RBFOX1: variants seen among roughly 807,000 people sequenced by gnomAD.
RBFOX1 encodes the protein RNA binding protein fox-1 homolog 1.
RBFOX1 carries 8 observed loss-of-function variants against 57.7 expected under a neutral mutation model. The ratio of observed to expected loss-of-function variants is 0.14; its 90% CI spans 0.08 to 0.25. RBFOX1 has a LOEUF of 0.25. Among genes scored for constraint, RBFOX1 ranks in the 10% least tolerant of loss-of-function variants. RBFOX1 has a pLI of 1.00. For missense variants in RBFOX1, 611 were observed against 548.5 expected (o/e 1.11, Z -1.14); for synonymous variants, 326 against 222.4 (o/e 1.47, Z -4.15).
intron 4 of RBFOX1, among the ~76,000 whole-genome samples, chr16:7,235,785 T>C (rs2093735913): frequency 6.6e-6 from 1 of 152,184 alleles, no homozygotes. Context: ...CTAAGTAATA[T>C]CCTGTGCTAG....
chr16:5,881,391 A>G (rs1309828114), intron 4 of RBFOX1, among the ~76,000 whole-genome samples: 1 of 152,128 alleles, frequency 6.6e-6, no homozygotes, highest in Non-Finnish European at 1.5e-5. Context: ...ATTTAAGAGT[A>G]TTAGGGGTCT....
intron 3 of RBFOX1, among the ~76,000 whole-genome samples, chr16:6,678,394 G>T (rs566849724): frequency 6.6e-6 from 1 of 151,908 alleles, no homozygotes; most frequent in African/African-American, 2.4e-5. Context: ...AAAGTGCTGG[G>T]ATTACAGGCA....
chr16:5,325,719 T>C (rs2064551508), intron 1 of RBFOX1, among the ~76,000 whole-genome samples: 1 of 152,208 alleles, frequency 6.6e-6, no homozygotes, highest in Non-Finnish European at 1.5e-5. Flanking sequence ...TTTCCTTTAG[T>C]GTAATGTCTT....
chr16:6,128,370 G>A (rs1007464060), intron 1 of RBFOX1, among the ~76,000 whole-genome samples: 5 of 152,274 alleles, frequency 3.3e-5, no homozygotes, highest in Admixed American at 1.3e-4. Context: ...TGCTACAACT[G>A]ATACCAGGTT....
intron 3 of RBFOX1, among the ~76,000 whole-genome samples, chr16:6,786,475 C>G (rs1449985681): frequency 6.6e-6 from 1 of 152,116 alleles, no homozygotes; most frequent in Admixed American, 6.5e-5. Flanking sequence ...AAAATAACAA[C>G]AAAGAGCTGT....
intron 1 of RBFOX1, among the ~76,000 whole-genome samples, chr16:6,295,994 C>G (rs1229746553): frequency 1.3e-5 from 2 of 152,194 alleles, no homozygotes; most frequent in Non-Finnish European, 2.9e-5. Flanking sequence ...AATGGAATAA[C>G]AAGGCTTAGG....
intron 2 of RBFOX1, among the ~76,000 whole-genome samples, chr16:6,430,890 G>A (rs920913910): frequency 3.3e-5 from 5 of 151,550 alleles, no homozygotes; most frequent in Non-Finnish European, 7.4e-5. Context: ...CAGCACTTTG[G>A]GAGGCTGAGA....
At chr16:7,275,529 G>A (rs1238698709) in intron 4 of RBFOX1, among the ~76,000 whole-genome samples, 1 of 152,116 alleles carries the variant, frequency 6.6e-6, no homozygotes, top group African/African-American at 2.4e-5. Flanking sequence ...TATAGAATTT[G>A]GTATTTTTGC....
chr16:6,773,843 G>T, intron 3 of RBFOX1: 3 of 475,102 alleles, frequency 6.3e-6, no homozygotes, highest in Non-Finnish European at 8.2e-6. Flanking sequence ...GGGTGCATTT[G>T]TGTGTATATA....
chr16:5,599,893 C>G (rs1016868997), exon 3 of RBFOX1: 6 of 152,352 alleles, frequency 3.9e-5, no homozygotes, highest in African/African-American at 1.4e-4. Flanking sequence ...ATGGCTAGGC[C>G]TAATGGATCA....
At chr16:5,867,413 T>G (rs2057368682) in intron 4 of RBFOX1, 1 of 911,610 alleles carries the variant, frequency 1.1e-6, no homozygotes, top group African/African-American at 1.7e-5. Flanking sequence ...TAACGAGCAT[T>G]CTAGCAATGA....
intron 3 of RBFOX1, among the ~76,000 whole-genome samples, chr16:6,913,084 A>G (rs1313041145): frequency 1.3e-5 from 2 of 152,130 alleles, no homozygotes; most frequent in African/African-American, 2.4e-5. Flanking sequence ...CAGGAAAACC[A>G]TTATGGAAGC....
intron 3 of RBFOX1, among the ~76,000 whole-genome samples, chr16:5,763,209 C>T (rs2053647952): frequency 6.6e-6 from 1 of 151,960 alleles, no homozygotes; most frequent in East Asian, 1.9e-4. Context: ...GCTGTTGGCA[C>T]TTTAAGCTTT....
At chr16:6,475,936 G>A (rs575711666) in intron 2 of RBFOX1, among the ~76,000 whole-genome samples, 82 of 152,214 alleles carry the variant, frequency 5.4e-4, no homozygotes, top group African/African-American at 1.6e-3. Context: ...GAGGCTTAAC[G>A]TCTTTTTTTC....
chr16:5,777,719 A>G (rs901130910), intron 3 of RBFOX1, among the ~76,000 whole-genome samples: 17 of 152,204 alleles, frequency 1.1e-4, no homozygotes, highest in Non-Finnish European at 1.8e-4. Context: ...ACACAGGGAA[A>G]CACACAATAC....
At chr16:6,790,128 T>G (rs990559091) in intron 3 of RBFOX1, among the ~76,000 whole-genome samples, 12 of 149,274 alleles carry the variant, frequency 8.0e-5, no homozygotes, top group Non-Finnish European at 1.6e-4. Flanking sequence ...CTTCTGGTTC[T>G]GATTTAAATG....
intron 4 of RBFOX1, among the ~76,000 whole-genome samples, chr16:7,206,808 G>A (rs368452855): frequency 6.6e-5 from 10 of 152,042 alleles, no homozygotes; most frequent in African/African-American, 1.2e-4. Flanking sequence ...AGTGAAAGGG[G>A]CATTTTAAGT....
At chr16:6,441,969 T>A (rs553948081) in intron 2 of RBFOX1, among the ~76,000 whole-genome samples, 1 of 152,194 alleles carries the variant, frequency 6.6e-6, no homozygotes, top group South Asian at 2.1e-4. Flanking sequence ...TATTATGGAA[T>A]GACAATTCCA....
chr16:6,315,110 A>T (rs942307669), intron 1 of RBFOX1, among the ~76,000 whole-genome samples: 56 of 152,282 alleles, frequency 3.7e-4, no homozygotes, highest in African/African-American at 1.3e-3. Flanking sequence ...TACTTGTTTT[A>T]CAAATATTAA....
Sources: gnomAD v4.1 joint callset for allele counts (sites outside exome capture counted in the v4.1 genomes callset) on GRCh38, gnomAD v4.1.1 for gene constraint, MANE v1.5 for transcripts, NCBI Gene and HGNC (gene_info 2026-07-23, HGNC 2026-07-21) for gene names.